Variants in SUGCT observed in about 807,000 individuals in gnomAD.
SUGCT encodes succinyl-CoA:glutarate-CoA transferase, also known as succinyl-CoA:glutarate CoA-transferase.
Under a neutral mutation model 55.0 loss-of-function variants are expected in SUGCT, and 41 were observed. The observed-to-expected ratio is 0.74, with a 90% confidence interval of 0.58 to 0.97. The LOEUF is 0.97. Among genes scored for constraint, SUGCT ranks in the 50% least tolerant of loss-of-function variants. The probability of loss-of-function intolerance (pLI) is 0.00; values close to 1 mark genes in which losing one functional copy is unlikely to be tolerated. For synonymous variants in SUGCT, 187 were observed against 200.4 expected, an observed-to-expected ratio of 0.93 and a Z score of 0.56; for missense variants, 568 against 547.8, an observed-to-expected ratio of 1.04 and a Z score of -0.37.
At chr7:40,691,373 A>G (rs1784692863) in intron 12 of SUGCT, among the ~76,000 whole-genome samples, 1 of 151,962 alleles carries the variant, frequency 6.6e-6, no homozygotes, top group South Asian at 2.1e-4. Flanking sequence ...CAGCTGGATC[A>G]TACCCAGAAG....
chr7:40,468,804 C>G (rs373661632), intron 11 of SUGCT, among the ~76,000 whole-genome samples: 1 of 152,058 alleles, frequency 6.6e-6, no homozygotes, highest in African/African-American at 2.4e-5. Context: ...AACTCTGATT[C>G]CTTAGTGTAA....
chr7:40,977,064 A>G, the SUGCT span, among the ~76,000 whole-genome samples: 1 of 152,180 alleles, frequency 6.6e-6, no homozygotes, highest in Admixed American at 6.5e-5. Context: ...CCTTTCAGAA[A>G]ATAGGCTGAC....
At chr7:40,219,097 C>G (rs1447017527) in intron 6 of SUGCT, among the ~76,000 whole-genome samples, 1 of 152,188 alleles carries the variant, frequency 6.6e-6, no homozygotes, top group Non-Finnish European at 1.5e-5. Flanking sequence ...ATGAACCCAC[C>G]TGGAGGAACG....
intron 12 of SUGCT, among the ~76,000 whole-genome samples, chr7:40,711,125 G>A (rs961780510): frequency 2.0e-5 from 3 of 152,230 alleles, no homozygotes; most frequent in African/African-American, 7.2e-5. Context: ...AGGCCAACGG[G>A]TGTGAGAAAC....
At chr7:40,727,808 T>G (rs1321181450) in intron 12 of SUGCT, among the ~76,000 whole-genome samples, 1 of 152,190 alleles carries the variant, frequency 6.6e-6, no homozygotes, top group Non-Finnish European at 1.5e-5. Flanking sequence ...TTCCTTTCAG[T>G]TTTTCCCTCT....
At chr7:40,585,314 G>T (rs1480209055) in intron 12 of SUGCT, among the ~76,000 whole-genome samples, 1 of 152,172 alleles carries the variant, frequency 6.6e-6, no homozygotes, top group African/African-American at 2.4e-5. Context: ...GCTTTTTAAG[G>T]TATATTCTGA....
chr7:40,219,340 G>A (rs1016741173), intron 6 of SUGCT, among the ~76,000 whole-genome samples: 4 of 152,084 alleles, frequency 2.6e-5, no homozygotes, highest in African/African-American at 7.2e-5. Context: ...CACCAATTCC[G>A]GACACATTTA....
chr7:40,363,182 A>G (rs911866939), intron 9 of SUGCT, among the ~76,000 whole-genome samples: 4 of 151,222 alleles, frequency 2.6e-5, no homozygotes, highest in Admixed American at 6.6e-5. Flanking sequence ...TTTTTATTGC[A>G]TCTATTTGAT....
intron 13 of SUGCT, among the ~76,000 whole-genome samples, chr7:40,774,208 C>A (rs1789334814): frequency 6.6e-6 from 1 of 152,058 alleles, no homozygotes; most frequent in African/African-American, 2.4e-5. Context: ...GAATAGCCAT[C>A]CCTCTGAAAG....
At chr7:40,964,711 G>A in the SUGCT span, 9 of 152,166 alleles carry the variant, frequency 5.9e-5, no homozygotes, top group African/African-American at 2.2e-4. Flanking sequence ...TTGATATGCT[G>A]GGAGTAAATT....
At chr7:40,651,961 C>A (rs1028597819) in intron 12 of SUGCT, among the ~76,000 whole-genome samples, 10 of 151,800 alleles carry the variant, frequency 6.6e-5, no homozygotes, top group African/African-American at 2.4e-4. Context: ...TTTTTACCTC[C>A]ACCTGTTCTT....
rs74527838 is a variant in SUGCT, at chr7:40,551,716, T to C, written c.1089+55330T>C. 2.9e-4 allele frequency among the ~76,000 whole-genome samples: 44 copies of C among 152,290 alleles called. No individual in the cohort carries two copies. In the East Asian group the frequency reaches 8.3e-3, roughly 29 times the overall value. On this transcript the variant is annotated intron_variant, in intron 12 of 13. Coordinates refer to ENST00000335693, the MANE Select transcript of SUGCT (RefSeq NM_001193313.2). ...GAGAGACAAACATAAACATGATGAC[T>C]GATTACAATGTGGTAGGATAAGTGT...
intron 12 of SUGCT, among the ~76,000 whole-genome samples, chr7:40,582,231 T>C (rs1470983717): frequency 1.3e-5 from 2 of 152,144 alleles, no homozygotes; most frequent in African/African-American, 2.4e-5. Flanking sequence ...AGTCTGAATG[T>C]GGAGTCCATC....
chr7:40,303,402 C>G (rs1052081629), intron 8 of SUGCT, among the ~76,000 whole-genome samples: 16 of 152,186 alleles, frequency 1.1e-4, no homozygotes, highest in African/African-American at 3.6e-4. Context: ...TTGGAACTCT[C>G]TTTGTAACTT....
chr7:40,518,563 CATGCATTA>C (rs889240105), intron 12 of SUGCT, among the ~76,000 whole-genome samples: 2 of 152,088 alleles, frequency 1.3e-5, no homozygotes, highest in East Asian at 3.8e-4. Flanking sequence ...ATATGTTATG[CATGCATTA>C]ATTAGTATTC....
intron 12 of SUGCT, among the ~76,000 whole-genome samples, chr7:40,531,254 C>T (rs981840005): frequency 6.6e-6 from 1 of 152,170 alleles, no homozygotes; most frequent in Non-Finnish European, 1.5e-5. Context: ...ACTATCTAAA[C>T]CTCAGAAGAG....
intron 13 of SUGCT, among the ~76,000 whole-genome samples, chr7:40,846,200 A>G (rs1793547145): frequency 6.6e-6 from 1 of 152,186 alleles, no homozygotes; most frequent in African/African-American, 2.4e-5. Context: ...AATCTAACCA[A>G]ACAAAGTCTT....
intron 12 of SUGCT, among the ~76,000 whole-genome samples, chr7:40,742,937 C>T (rs1787542084): frequency 6.6e-6 from 1 of 152,008 alleles, no homozygotes; most frequent in African/African-American, 2.4e-5. Flanking sequence ...GTGTTTTTTG[C>T]TTAGTAAGAT....
chr7:40,548,186 C>CTTTTTTTTTTTTT (rs1186226631), intron 12 of SUGCT, among the ~76,000 whole-genome samples: 99 of 104,890 alleles, frequency 9.4e-4, no homozygotes, highest in East Asian at 1.5e-3. Flanking sequence ...TTCTTTCTTT[C>CTTTTTTTTTTTTT]TTTTTTTTTT....
Sources: allele counts gnomAD v4.1 joint callset (sites outside exome capture counted in the v4.1 genomes callset), GRCh38; gene constraint gnomAD v4.1.1; transcripts MANE v1.5; gene names NCBI Gene and HGNC (gene_info 2026-07-23, HGNC 2026-07-21).